Variants in NAALADL2 observed in about 807,000 individuals in gnomAD.
NAALADL2 encodes the protein inactive N-acetylated-alpha-linked acidic dipeptidase-like protein 2.
Under a neutral mutation model 87.2 loss-of-function variants are expected in NAALADL2, and 76 were observed. That is an observed-to-expected ratio of 0.87 (90% CI 0.72 to 1.05). The LOEUF is 1.05. Among genes scored for constraint, NAALADL2 ranks in the 50% least tolerant of loss-of-function variants. NAALADL2 has a pLI of 0.00. For missense variants in NAALADL2, 1,089 were observed against 945.8 expected (o/e 1.15, Z -1.99); for synonymous variants, 354 against 331.0 (o/e 1.07, Z -0.75).
At chr3:174,972,710 C>T (rs1743852595) in intron 1 of NAALADL2, among the ~76,000 whole-genome samples, 1 of 151,932 alleles carries the variant, frequency 6.6e-6, no homozygotes, top group Admixed American at 6.6e-5. Context: ...AATAATCCCA[C>T]TTAGGCCTGG....
intron 2 of NAALADL2, among the ~76,000 whole-genome samples, chr3:174,708,025 A>G (rs1443275185): frequency 1.3e-5 from 2 of 152,004 alleles, no homozygotes; most frequent in African/African-American, 2.4e-5. Context: ...ACTTCAATAC[A>G]AAAAAAATCT....
chr3:175,346,961 T>G (rs965527253), intron 5 of NAALADL2, among the ~76,000 whole-genome samples: 15 of 151,174 alleles, frequency 9.9e-5, no homozygotes, highest in African/African-American at 3.6e-4. Context: ...GTGTTGGGCC[T>G]TTATACAAAT....
intron 3 of NAALADL2, among the ~76,000 whole-genome samples, chr3:175,253,632 C>T (rs1749436362): frequency 6.6e-6 from 1 of 152,146 alleles, no homozygotes; most frequent in Admixed American, 6.5e-5. Flanking sequence ...AGTGATTCCA[C>T]TGATAAATCT....
chr3:175,222,546 A>C (rs1014947777), intron 2 of NAALADL2, among the ~76,000 whole-genome samples: 2 of 152,192 alleles, frequency 1.3e-5, no homozygotes, highest in African/African-American at 4.8e-5. Context: ...GTCCATAAGC[A>C]GAACAGGAAA....
At chr3:174,968,837 A>G (rs944400425) in intron 1 of NAALADL2, among the ~76,000 whole-genome samples, 3 of 152,110 alleles carry the variant, frequency 2.0e-5, no homozygotes, top group Non-Finnish European at 4.4e-5. Flanking sequence ...CATGCTCCCA[A>G]AGTTTTCATT....
At position 174,582,394 on chromosome 3, in the gene NAALADL2, G is replaced by A. The variant is rs548823146; in HGVS notation, c.-115+31757G>A. Among the ~76,000 whole-genome samples the A allele has an allele frequency of 9.9e-5, 15 of 152,152 alleles. No individual in the cohort carries two copies. In the South Asian group the frequency reaches 3.1e-3, roughly 32 times the overall value. ...TACAAAATTTGCACACTGTATTACCGGAAAGTGAAGTAAATACAACAAACA... is the reference window on the plus strand; with the variant it reads ...TACAAAATTTGCACACTGTATTACCAGAAAGTGAAGTAAATACAACAAACA... On this transcript the variant is annotated intron_variant, in intron 2 of 3. Coordinates refer to the NAALADL2 transcript ENST00000434257.
Position 175,740,409 on chromosome 3 carries a change from G to A in NAALADL2, c.1990+3010G>A, listed in dbSNP as rs1273376363. On this transcript the variant is annotated intron_variant, in intron 12 of 13. Transcript: ENST00000454872. ...GTGTCAGAGTCATTTGAACCAGAGT[G>A]ACTCCACCTTGAATGAGGGCTAGGA... 1.4e-4 allele frequency among the ~76,000 whole-genome samples: 22 copies of A among 152,166 alleles called. 1 individual carries two copies. The highest frequency in any genetic ancestry group is 1.5e-5 in the Non-Finnish European group (1 of 68,028).
At chr3:174,456,381 AAG>A (rs1715830988) in intron 1 of NAALADL2, among the ~76,000 whole-genome samples, 1 of 150,806 alleles carries the variant, frequency 6.6e-6, no homozygotes, top group African/African-American at 2.4e-5. Flanking sequence ...TGGATCCAAA[AAG>A]AGAATCAACA....
chr3:174,598,856 A>G (rs752858849), intron 2 of NAALADL2, among the ~76,000 whole-genome samples: 9 of 152,146 alleles, frequency 5.9e-5, no homozygotes, highest in Non-Finnish European at 1.2e-4. Context: ...GCAATATTTA[A>G]CTTTCATATC....
At chr3:174,767,430 T>TC (rs1262867159) in intron 3 of NAALADL2, among the ~76,000 whole-genome samples, 1 of 152,180 alleles carries the variant, frequency 6.6e-6, no homozygotes, top group Non-Finnish European at 1.5e-5. Flanking sequence ...TCAGGTGATA[T>TC]CACCTGGATC....
chr3:175,021,343 T>C (rs1377422107), intron 1 of NAALADL2, among the ~76,000 whole-genome samples: 1 of 152,084 alleles, frequency 6.6e-6, no homozygotes. Context: ...AAAGTATACA[T>C]GGTCAATAAA....
intron 3 of NAALADL2, among the ~76,000 whole-genome samples, chr3:174,750,738 ATTC>A (rs1299088908): frequency 1.1e-4 from 16 of 152,070 alleles, no homozygotes; most frequent in Non-Finnish European, 2.4e-4. Context: ...CCGGCCTATT[ATTC>A]TTCTTAATTA....
chr3:175,584,410 T>A (rs1720250699), intron 10 of NAALADL2, among the ~76,000 whole-genome samples: 1 of 152,098 alleles, frequency 6.6e-6, no homozygotes. Context: ...AGGTCACCCA[T>A]CTATTCAATG....
At chr3:175,387,294 C>T (rs1219653655) in intron 5 of NAALADL2, among the ~76,000 whole-genome samples, 1 of 152,112 alleles carries the variant, frequency 6.6e-6, no homozygotes, top group African/African-American at 2.4e-5. Context: ...GACAGTATTT[C>T]ATAAGAGTAT....
At chr3:175,117,268 T>G (rs2108537178) in intron 2 of NAALADL2, among the ~76,000 whole-genome samples, 1 of 93,710 alleles carries the variant, frequency 1.1e-5, no homozygotes, top group Middle Eastern at 5.5e-3. Flanking sequence ...AAATGGGATC[T>G]AATTAAACTA....
intron 13 of NAALADL2, among the ~76,000 whole-genome samples, chr3:175,770,236 T>C (rs1414947663): frequency 6.6e-6 from 1 of 152,126 alleles, no homozygotes; most frequent in Admixed American, 6.6e-5. Context: ...ATTTCAGACA[T>C]ATAATCTACA....
intron 12 of NAALADL2, among the ~76,000 whole-genome samples, chr3:175,741,289 A>G (rs773629396): frequency 6.6e-6 from 1 of 152,150 alleles, no homozygotes; most frequent in Non-Finnish European, 1.5e-5. Flanking sequence ...TTAACTTCAC[A>G]TGGTAGAAGG....
intron 2 of NAALADL2, among the ~76,000 whole-genome samples, chr3:174,623,393 G>T (rs979802041): frequency 6.6e-6 from 1 of 152,070 alleles, no homozygotes; most frequent in Non-Finnish European, 1.5e-5. Context: ...TACAGTAAGG[G>T]TTTGTGTGTG....
intron 1 of NAALADL2, among the ~76,000 whole-genome samples, chr3:175,069,867 A>G (rs1329159602): frequency 2.0e-5 from 3 of 149,394 alleles, no homozygotes; most frequent in East Asian, 2.0e-4. Flanking sequence ...TTGTAGGGAC[A>G]TGGATGAAAT....
Sources: gnomAD v4.1 joint callset for allele counts (sites outside exome capture counted in the v4.1 genomes callset) on GRCh38, gnomAD v4.1.1 for gene constraint, MANE v1.5 for transcripts, NCBI Gene and HGNC (gene_info 2026-07-23, HGNC 2026-07-21) for gene names.